Variants in RNF17 observed in about 807,000 individuals in gnomAD.
RNF17 encodes spermatogenesis associated 23.
A neutral mutation model predicts 200.5 loss-of-function variants in RNF17; 31 were observed. The observed-to-expected ratio is 0.15, with a 90% CI of 0.12 to 0.21. The LOEUF (loss-of-function observed/expected upper bound fraction) is 0.21, where lower values mean the gene tolerates loss of function less well. RNF17 is among the 10% of genes least tolerant of loss of function. RNF17 has a pLI of 1.00. For synonymous variants in RNF17, 606 were observed against 637.8 expected (o/e 0.95, Z 0.75); for missense variants, 1,628 against 1,905.1 (o/e 0.85, Z 2.71).
intron 3 of RNF17, among the ~76,000 whole-genome samples, chr13:24,775,900 G>A (rs1233404837): frequency 6.6e-6 from 1 of 152,076 alleles, no homozygotes; most frequent in African/African-American, 2.4e-5. Context: ...GAGTAAACAT[G>A]TAATGTTTAT....
intron 6 of RNF17, 93 bp from the exon 7 acceptor site, chr13:24,787,895 A>G (rs181035021): frequency 2.1e-6 from 2 of 930,758 alleles, no homozygotes; most frequent in African/African-American, 3.4e-5. Flanking sequence ...AAATTCATCA[A>G]CTACTGAACT....
At chr13:24,781,979 G>C in intron 6 of RNF17, 35 bp downstream of exon 6, 1 of 1,306,062 alleles carries the variant, frequency 7.7e-7, no homozygotes, top group Non-Finnish European at 1.1e-6. Flanking sequence ...CAATGAAACT[G>C]AAGTTTCTAA....
chr13:24,881,360 C>A (rs532397626), downstream of RNF17, among the ~76,000 whole-genome samples: 1 of 151,978 alleles, frequency 6.6e-6, no homozygotes, highest in Non-Finnish European at 1.5e-5. Flanking sequence ...AGGCTGGTCT[C>A]GAACTCCTGA....
chr13:24,769,290 A>C (rs1880311639), intron 2 of RNF17, among the ~76,000 whole-genome samples: 1 of 151,976 alleles, frequency 6.6e-6, no homozygotes, highest in South Asian at 2.1e-4. Context: ...GAGTGTTTAT[A>C]ATGTGTTTAC....
chr13:24,748,524 C>CT, the RNF17 span, among the ~76,000 whole-genome samples: 1 of 152,294 alleles, frequency 6.6e-6, no homozygotes, highest in African/African-American at 2.4e-5. Flanking sequence ...TTGGTAATCT[C>CT]TTATTTTGCA....
chr13:24,793,211 G>A lies in RNF17; in HGVS notation c.1105G>A (p.Val369Ile), dbSNP rs755002474. 3 of 1,614,062 alleles carry A rather than the reference G, an allele frequency of 1.9e-6. No homozygotes were observed. The highest frequency in any genetic ancestry group is 1.6e-4 in the Middle Eastern group (1 of 6,062). The change falls in exon 10 of 36, where the codon GTA (valine) becomes ATA (isoleucine). Residue 369 changes from valine (V) to isoleucine (I), a missense_variant. By Grantham distance (29) the Val-to-Ile change is conservative (BLOSUM62 3). Around this residue, in one of 5 missense-constraint regions of RNF17, gnomAD observed 502 missense variants for 501.7 expected, o/e 1.00. Coordinates refer to ENST00000255324, the MANE Select transcript of RNF17 (RefSeq NM_031277.3). Reference protein sequence around the residue: ...PPPLQPETNDVHLEAKNFQPQ... With the variant: ...PPPLQPETNDIHLEAKNFQPQ... ...TCCTTTGCAACCTGAGACAAATGAT[G>A]TACATTTAGAAGCAAAAAACTTCCA...
intron 1 of RNF17, among the ~76,000 whole-genome samples, chr13:24,766,046 G>C (rs966342699): frequency 1.5e-4 from 23 of 152,258 alleles, no homozygotes; most frequent in Non-Finnish European, 3.1e-4. Flanking sequence ...TAGGCAACAT[G>C]GTGAAATCCC....
chr13:24,764,888 G>GGTGTGTGT (rs57755622), intron 1 of RNF17, among the ~76,000 whole-genome samples: 172 of 134,170 alleles, frequency 1.3e-3, no homozygotes, highest in Non-Finnish European at 2.0e-3. Context: ...CACCTTGTGG[G>GGTGTGTGT]GTGTGTGTGT....
At chr13:24,752,232 C>CACCATTTGTTTATCA in the RNF17 span, 1,746 of 157,132 alleles carry the variant, frequency 0.011, 45 homozygotes, top group African/African-American at 0.039. Context: ...TCAAAGGCAT[C>CACCATTTGTTTATCA]CCATTTTGTT....
chr13:24,848,970 A>G (rs867268807), intron 22 of RNF17, among the ~76,000 whole-genome samples: 1 of 152,106 alleles, frequency 6.6e-6, no homozygotes, highest in African/African-American at 2.4e-5. Context: ...CTGTTTGGCC[A>G]AGTTATGTGC....
At chr13:24,765,949 C>A (rs1442308615) in intron 1 of RNF17, among the ~76,000 whole-genome samples, 1 of 152,166 alleles carries the variant, frequency 6.6e-6, no homozygotes, top group Non-Finnish European at 1.5e-5. Flanking sequence ...AATGCAAGGC[C>A]GGGCACAGTG....
intron 28 of RNF17, 149 bp from the exon 29 acceptor site, chr13:24,864,724 C>G (rs1893448588): frequency 1.7e-6 from 1 of 601,956 alleles, no homozygotes; most frequent in Non-Finnish European, 2.9e-6. Context: ...CGTCAAAATA[C>G]CAGGAAGAAA....
intron 15 of RNF17, among the ~76,000 whole-genome samples, chr13:24,817,258 A>G (rs1294777218): frequency 1.3e-5 from 2 of 152,148 alleles, no homozygotes; most frequent in African/African-American, 2.4e-5. Context: ...TTTCATGTGT[A>G]GGAGGTTTTT....
At chr13:24,823,368 G>C (rs191360829) in intron 15 of RNF17, among the ~76,000 whole-genome samples, 1 of 152,108 alleles carries the variant, frequency 6.6e-6, no homozygotes, top group East Asian at 1.9e-4. Context: ...CACCACGCCC[G>C]GCCAAGAGAG....
chr13:24,883,963 C>A (rs373851349), downstream of RNF17: 14 of 1,613,936 alleles, frequency 8.7e-6, no homozygotes, highest in Non-Finnish European at 1.2e-5. Context: ...GTTGCCATAC[C>A]GTTGTACTCT....
At chr13:24,868,849 C>A in intron 31 of RNF17, 133 bp downstream of exon 31, 4 of 644,858 alleles carry the variant, frequency 6.2e-6, no homozygotes, top group East Asian at 5.4e-5. Flanking sequence ...CTAGTTTGCC[C>A]CACCCTATAA....
At chr13:24,867,291 G>A (rs905875502) in intron 30 of RNF17, among the ~76,000 whole-genome samples, 1 of 152,144 alleles carries the variant, frequency 6.6e-6, no homozygotes, top group Non-Finnish European at 1.5e-5. Flanking sequence ...TTGCAGAGTA[G>A]CTGGAACTAA....
intron 10 of RNF17, among the ~76,000 whole-genome samples, chr13:24,795,338 T>G (rs1027949316): frequency 6.8e-6 from 1 of 147,662 alleles, no homozygotes. Context: ...CACATTTTCT[T>G]TATGCATTTA....
chr13:24,782,093 T>TA, intron 6 of RNF17, 149 bp downstream of exon 6: 1 of 644,362 alleles, frequency 1.6e-6, no homozygotes, highest in African/African-American at 1.9e-5. Context: ...TGGTAGTCCC[T>TA]ACAGACTGAT....
Sources: allele counts gnomAD v4.1 joint callset (sites outside exome capture counted in the v4.1 genomes callset), GRCh38; gene constraint gnomAD v4.1.1; regional missense constraint gnomAD v4.1.1; transcripts MANE v1.5; gene names NCBI Gene and HGNC (gene_info 2026-07-23, HGNC 2026-07-21).